ZNF462: variants seen among roughly 807,000 people sequenced by gnomAD.
The protein encoded by ZNF462 is zinc finger protein 462.
Under a neutral mutation model 201.9 loss-of-function variants are expected in ZNF462, and 10 were observed. The ratio of observed to expected loss-of-function variants is 0.05; its 90% CI spans 0.03 to 0.08. The LOEUF (loss-of-function observed/expected upper bound fraction) is 0.08, where lower values mean the gene tolerates loss of function less well. Among genes scored for constraint, ZNF462 ranks in the 10% least tolerant of loss-of-function variants. The probability of loss-of-function intolerance (pLI) is 1.00; values close to 1 mark genes in which losing one functional copy is unlikely to be tolerated. For missense variants in ZNF462, 2,523 were observed against 3,168.3 expected (o/e 0.80, Z 4.89); for synonymous variants, 1,227 against 1,193.3 (o/e 1.03, Z -0.58).
Position 106,882,790 on chromosome 9 carries a change from CT to C in ZNF462, c.-31+19440del, listed in dbSNP as rs748321714. ...TTTTATGTGAAAGAGGAAGACAGGT[CT>C]TTTTCCAAGACTTTCTTTGACCTAT... is the stretch of plus-strand genomic sequence containing the variant. On this transcript the variant is annotated intron_variant, in intron 1 of 12. Transcript: ENST00000277225. 3.3e-5 allele frequency among the ~76,000 whole-genome samples: 5 copies of C among 152,126 alleles called. 1 individual carries two copies. Among genetic ancestry groups the C allele is most frequent in the East Asian group, 3.9e-4 (2 of 5,190 alleles).
Position 106,929,561 on chromosome 9 carries a change from C to T in ZNF462, c.5649C>T (p.Asn1883=), listed in dbSNP as rs750506205. 72 of 1,614,028 alleles carry T rather than the reference C, an allele frequency of 4.5e-5. 1 individual carries two copies. Among genetic ancestry groups the T allele is most frequent in the African/African-American group, 2.5e-4 (19 of 74,926 alleles). Residue 1883 remains asparagine, a synonymous_variant, in exon 3 of 13, where the codon AAC becomes AAT. Coordinates refer to ENST00000277225, the MANE Select transcript of ZNF462 (RefSeq NM_021224.6). This position sits in a 1 kb window ranked among gnomAD's most constrained non-coding sequence, Gnocchi z 8.7. The part of the protein sequence containing the change: ...DLKRDFIILG[N]GPRLQNSTYQ... ...AGAGGGACTTCATCATTCTGGGCAA[C>T]GGCCCCCGCTTGCAGAACTCCACCT...
chr9:106,943,987 G>A (rs528863612), intron 7 of ZNF462, among the ~76,000 whole-genome samples: 129 of 152,278 alleles, frequency 8.5e-4, no homozygotes, highest in Non-Finnish European at 1.3e-3. Context: ...GACAAAGAGC[G>A]TTTTAAATAT....
Position 106,970,646 on chromosome 9 carries a change from C to T in ZNF462, c.6428-1359C>T, listed in dbSNP as rs780361338. Among the ~76,000 whole-genome samples the T allele has an allele frequency of 6.6e-6, 1 of 152,128 alleles. No individual in the cohort carries two copies. Among genetic ancestry groups the T allele is most frequent in the Non-Finnish European group, 1.5e-5 (1 of 68,022 alleles). ...TGTTTTCTTTTCAAGGAAAGTTACA[C>T]TGAAATTCATCTGTGTGGTATTCAT... On this transcript the variant is annotated intron_variant, in intron 7 of 12. Transcript: ENST00000277225. The surrounding 1 kb of genome is among the most constrained non-coding windows in gnomAD (Gnocchi z 4.2).
chr9:106,923,164 A>G lies in ZNF462; in HGVS notation c.-30-190A>G, dbSNP rs977222788. Reference sequence around the variant, plus strand: ...CTGGTATTTTTCCTTCTTTGAAGTTATGAGGTCAAGGACATCATCTCCATT... The same window carrying G: ...CTGGTATTTTTCCTTCTTTGAAGTTGTGAGGTCAAGGACATCATCTCCATT... On this transcript the variant is annotated intron_variant, in intron 1 of 12. Coordinates refer to ENST00000277225, the MANE Select transcript of ZNF462 (RefSeq NM_021224.6). The surrounding 1 kb of genome is among the most constrained non-coding windows in gnomAD (Gnocchi z 5.6). Among the ~76,000 whole-genome samples, 1 of 152,238 alleles carries G rather than the reference A, an allele frequency of 6.6e-6. No homozygotes were observed. The highest frequency in any genetic ancestry group is 2.4e-5 in the African/African-American group (1 of 41,460).
chr9:106,862,813 C>T (rs1175211112), upstream of ZNF462, among the ~76,000 whole-genome samples: 1 of 152,150 alleles, frequency 6.6e-6, no homozygotes, highest in Non-Finnish European at 1.5e-5. The surrounding 1 kb of genome is among the most constrained non-coding windows in gnomAD (Gnocchi z 4.2). Flanking sequence ...CCTCTTTTTT[C>T]CCCTAGCCTT....
chr9:106,982,823 T>C (rs1022134629), intron 9 of ZNF462, among the ~76,000 whole-genome samples: 2 of 151,810 alleles, frequency 1.3e-5, no homozygotes, highest in Admixed American at 1.3e-4. Context: ...AGGCATGACA[T>C]TGGGTGGGGA....
At chr9:106,894,143 C>T (rs1828708964) in intron 1 of ZNF462, among the ~76,000 whole-genome samples, 1 of 152,226 alleles carries the variant, frequency 6.6e-6, no homozygotes, top group African/African-American at 2.4e-5. Context: ...CAAGATCTGA[C>T]CATTGTTAAT....
chr9:106,862,456 G>C (rs574506735), upstream of ZNF462, among the ~76,000 whole-genome samples: 1 of 151,900 alleles, frequency 6.6e-6, no homozygotes, highest in South Asian at 2.1e-4. The surrounding 1 kb of genome is among the most constrained non-coding windows in gnomAD (Gnocchi z 4.2). Flanking sequence ...CGCACGCCTC[G>C]GCCCGGCGGC....
In ZNF462 at chr9:107,011,864, A is replaced by G. The variant is rs1829939774; in HGVS notation, c.*834A>G. On this transcript the variant is annotated 3_prime_UTR_variant, in exon 13 of 13. Coordinates refer to ENST00000277225, the MANE Select transcript of ZNF462 (RefSeq NM_021224.6). This position sits in a 1 kb window ranked among gnomAD's most constrained non-coding sequence, Gnocchi z 5.6. ...AGCTGTTTATTAGTGTTCAACTATAATTTAGAATTTGGTAGATTCATGTGA... is the reference window on the plus strand; with the variant it reads ...AGCTGTTTATTAGTGTTCAACTATAGTTTAGAATTTGGTAGATTCATGTGA... 1 of 152,096 alleles carries G rather than the reference A, an allele frequency of 6.6e-6. No homozygotes were observed. Among genetic ancestry groups the G allele is most frequent in the Non-Finnish European group, 1.5e-5 (1 of 68,022 alleles). The allele number at this position is 152,096 out of a possible 1,614,324, so 9.4% of individuals were successfully genotyped here.
chr9:106,930,954 G>T lies in ZNF462; in HGVS notation c.6012+265G>T. 2.7e-6 allele frequency: 1 copy of T among 366,756 alleles called. No individual in the cohort carries two copies. Among genetic ancestry groups the T allele is most frequent in the Non-Finnish European group, 5.1e-6 (1 of 195,456 alleles). The allele number at this position is 366,756 out of a possible 1,614,324, so 22.7% of individuals were successfully genotyped here. On this transcript the variant is annotated intron_variant, in intron 4 of 12. Coordinates refer to ENST00000277225, the MANE Select transcript of ZNF462 (RefSeq NM_021224.6). This position sits in a 1 kb window ranked among gnomAD's most constrained non-coding sequence, Gnocchi z 5.8. ...AAGGTCCAGGATTCTCGGTCTAGGA[G>T]GCTTCGGGTCGTCCTTCTATTCTGC...
Position 106,902,396 on chromosome 9 carries a change from C to T in ZNF462, c.-30-20958C>T, listed in dbSNP as rs571440440. The stretch of plus-strand genomic sequence containing the variant: ...CTGTAGTTTTCTTCTGTGGTTATGT[C>T]GTTTCCTGGTTTTGGTATTAGAGTG... On this transcript the variant is annotated intron_variant, in intron 1 of 12. Coordinates refer to ENST00000277225, the MANE Select transcript of ZNF462 (RefSeq NM_021224.6). This position sits in a 1 kb window ranked among gnomAD's most constrained non-coding sequence, Gnocchi z 4.2. 1.3e-5 allele frequency among the ~76,000 whole-genome samples: 2 copies of T among 152,068 alleles called. No individual in the cohort carries two copies. The highest frequency in any genetic ancestry group is 3.4e-3 in the Middle Eastern group (1 of 294).
intron 1 of ZNF462, among the ~76,000 whole-genome samples, chr9:106,914,152 A>G (rs1044796985): frequency 1.3e-5 from 2 of 150,128 alleles, no homozygotes; most frequent in African/African-American, 4.9e-5. Context: ...CACAATTCTA[A>G]AATCTTGGAC....
chr9:106,971,792 A>G (rs1219609333), intron 7 of ZNF462, among the ~76,000 whole-genome samples: 1 of 152,176 alleles, frequency 6.6e-6, no homozygotes, highest in Non-Finnish European at 1.5e-5. Context: ...GAGGTGATGG[A>G]TACGTTCATT....
At chr9:106,899,539 C>T (rs1028365012) in intron 1 of ZNF462, among the ~76,000 whole-genome samples, 29 of 152,122 alleles carry the variant, frequency 1.9e-4, no homozygotes, top group Non-Finnish European at 3.4e-4. Context: ...GAATCCTCCT[C>T]CTCTTCTCAG....
intron 7 of ZNF462, among the ~76,000 whole-genome samples, chr9:106,943,920 T>C (rs1043026361): frequency 3.3e-5 from 5 of 152,176 alleles, no homozygotes; most frequent in South Asian, 2.1e-4. Context: ...CCTTAGGGAA[T>C]GCTCTAACAT....
At chr9:106,982,688 G>A (rs1875411) in intron 9 of ZNF462, among the ~76,000 whole-genome samples, 141,490 of 152,270 alleles carry the variant, frequency 0.93, 65,923 homozygotes, top group East Asian at 1. Flanking sequence ...AGCTCCAGGG[G>A]GTATGTTGCA....
At chr9:106,904,468 G>A (rs367628553) in intron 1 of ZNF462, among the ~76,000 whole-genome samples, 3 of 152,282 alleles carry the variant, frequency 2.0e-5, no homozygotes, top group South Asian at 4.1e-4. Context: ...ATATTTGGCT[G>A]TCTAGGTCTC....
intron 10 of ZNF462, chr9:106,995,620 C>T (rs904796682): frequency 1.3e-5 from 2 of 152,132 alleles, no homozygotes; most frequent in Non-Finnish European, 2.9e-5. Flanking sequence ...TGATCTTCAT[C>T]TACAAATATA....
intron 4 of ZNF462, among the ~76,000 whole-genome samples, chr9:106,931,796 C>CA (rs1211717307): frequency 2.6e-5 from 4 of 152,218 alleles, no homozygotes; most frequent in Non-Finnish European, 5.9e-5. Context: ...GGGTAGGGGG[C>CA]AGACAGCGGG....
Sources: allele counts gnomAD v4.1 joint callset (sites outside exome capture counted in the v4.1 genomes callset), GRCh38; gene constraint gnomAD v4.1.1; non-coding constraint Gnocchi (gnomAD v3.1); transcripts MANE v1.5; gene names NCBI Gene and HGNC (gene_info 2026-07-23, HGNC 2026-07-21).